The following KLHDC4 variants were observed in gnomAD, a reference collection of about 807,000 sequenced individuals.
KLHDC4 encodes the protein kelch domain containing 4.
A neutral mutation model predicts 62.4 loss-of-function variants in KLHDC4; 90 were observed. The observed-to-expected ratio is 1.44, with a 90% confidence interval of 1.22 to 1.72. KLHDC4 has a LOEUF of 1.72. KLHDC4 is among the 40% of genes most tolerant of loss of function. The pLI is 0.00. For missense variants in KLHDC4, 1,025 were observed against 699.7 expected (o/e 1.47, Z -5.25); for synonymous variants, 386 against 284.4 (o/e 1.36, Z -3.59).
downstream of KLHDC4, chr16:87,702,909 G>A (rs1405791602): frequency 6.6e-6 from 1 of 152,572 alleles, no homozygotes; most frequent in African/African-American, 2.4e-5. Context: ...TTGCTTTTAA[G>A]CTGGAAAGAT....
At chr16:87,725,017 C>T (rs185056007) in intron 7 of KLHDC4, among the ~76,000 whole-genome samples, 11 of 152,188 alleles carry the variant, frequency 7.2e-5, no homozygotes, top group African/African-American at 9.6e-5. Flanking sequence ...CACTTCAGCA[C>T]GAAGCAGCAA....
chr16:87,765,268 G>GA (rs1361138972), intron 1 of KLHDC4: 1 of 455,998 alleles, frequency 2.2e-6, no homozygotes, highest in Non-Finnish European at 4.4e-6. Context: ...GGGATACCCC[G>GA]TGGCTCCAGT....
At chr16:87,738,409 G>T (rs146294614) in intron 5 of KLHDC4, among the ~76,000 whole-genome samples, 13 of 152,056 alleles carry the variant, frequency 8.5e-5, no homozygotes, top group African/African-American at 3.1e-4. Flanking sequence ...AAACAGTACC[G>T]ATCATCTCCC....
chr16:87,730,536 C>A lies in KLHDC4; in HGVS notation c.599+16G>T. ...ATGCTTCAGGAGAGAAAGATTTTTC[C>A]GTTCTTGGTACCAACCGTGTACTTT... On this transcript the variant is annotated intron_variant, in intron 6 of 11. Transcript: ENST00000270583. 1 of 1,591,272 alleles carries A rather than the reference C, an allele frequency of 6.3e-7. No homozygotes were observed. The highest frequency in any genetic ancestry group is 8.5e-7 in the Non-Finnish European group (1 of 1,170,178).
chr16:87,698,308 T>G (rs1447791873), exon 1 of KLHDC4: 1 of 152,220 alleles, frequency 6.6e-6, no homozygotes, highest in African/African-American at 2.4e-5. Flanking sequence ...GTACATCTTT[T>G]CCATCTTTTA....
chr16:87,723,451 G>A (rs926724320), intron 7 of KLHDC4, among the ~76,000 whole-genome samples: 27 of 152,272 alleles, frequency 1.8e-4, no homozygotes, highest in African/African-American at 6.5e-4. Flanking sequence ...CGGTCTGGCT[G>A]TTCACCGTCC....
At chr16:87,702,095 AG>A in exon 14 of KLHDC4, 2 of 456,286 alleles carry the variant, frequency 4.4e-6, no homozygotes, top group Non-Finnish European at 8.8e-6. Flanking sequence ...AGATCAGAAC[AG>A]CCTTCGGGTC....
At chr16:87,698,465 G>C (rs2033994683) in exon 1 of KLHDC4, 2 of 152,258 alleles carry the variant, frequency 1.3e-5, no homozygotes, top group Non-Finnish European at 2.9e-5. Flanking sequence ...AACGGTACCT[G>C]TGAGCAGGAA....
chr16:87,754,294 C>T (rs559559056), intron 4 of KLHDC4, among the ~76,000 whole-genome samples: 6 of 151,170 alleles, frequency 4.0e-5, no homozygotes, highest in Admixed American at 1.3e-4. Flanking sequence ...TGCAATGAGC[C>T]GAAATCAGGC....
intron 1 of KLHDC4, among the ~76,000 whole-genome samples, chr16:87,763,331 A>T (rs1436288801): frequency 6.6e-6 from 1 of 152,240 alleles, no homozygotes; most frequent in Non-Finnish European, 1.5e-5. Context: ...GACTGGGCAC[A>T]GTGGCTCACG....
chr16:87,758,249 T>C (rs1040035835), intron 2 of KLHDC4, among the ~76,000 whole-genome samples: 40 of 152,312 alleles, frequency 2.6e-4, no homozygotes, highest in African/African-American at 9.1e-4. Flanking sequence ...CTCAAACAGA[T>C]ACCTGTATGC....
intron 8 of KLHDC4, among the ~76,000 whole-genome samples, chr16:87,712,008 G>A (rs1379288030): frequency 2.0e-5 from 3 of 146,378 alleles, no homozygotes; most frequent in African/African-American, 5.1e-5. Context: ...AGCCGCCCTT[G>A]GGCCTGCACG....
chr16:87,732,705 G>A (rs2040597112), intron 5 of KLHDC4, among the ~76,000 whole-genome samples: 1 of 152,066 alleles, frequency 6.6e-6, no homozygotes. Context: ...CATGTCACGG[G>A]ACAATGCTCG....
chr16:87,742,943 C>G (rs778476670), intron 5 of KLHDC4: 1 of 152,222 alleles, frequency 6.6e-6, no homozygotes, highest in Non-Finnish European at 1.5e-5. Context: ...TATGAAGTGA[C>G]GACGAGCACG....
At chr16:87,749,298 G>A (rs979003611) in intron 4 of KLHDC4, among the ~76,000 whole-genome samples, 2 of 152,096 alleles carry the variant, frequency 1.3e-5, no homozygotes, top group Non-Finnish European at 2.9e-5. Flanking sequence ...GCTCACACCT[G>A]TAATCCCAGC....
intron 6 of KLHDC4, 101 bp downstream of exon 6, chr16:87,730,451 G>T: frequency 4.1e-6 from 4 of 985,386 alleles, no homozygotes; most frequent in East Asian, 2.5e-5. Context: ...GGATTTGGGA[G>T]GATGGGTGCG....
chr16:87,719,538 G>A (rs566855066), intron 7 of KLHDC4, among the ~76,000 whole-genome samples: 3 of 152,198 alleles, frequency 2.0e-5, no homozygotes, highest in East Asian at 1.9e-4. Flanking sequence ...ACGGAAGGCC[G>A]CAGGGTCCTC....
At chr16:87,711,516 A>G in intron 8 of KLHDC4, 73 bp from the exon 9 acceptor site, 1 of 1,324,438 alleles carries the variant, frequency 7.6e-7, no homozygotes, top group Admixed American at 2.4e-5. Context: ...GGACACGCTC[A>G]GGACCCCAGG....
chr16:87,733,099 C>G (rs918843993), intron 5 of KLHDC4, among the ~76,000 whole-genome samples: 4 of 149,944 alleles, frequency 2.7e-5, no homozygotes, highest in Non-Finnish European at 4.4e-5. Flanking sequence ...AGGTGCAAAG[C>G]AAATCCTATC....
Sources: gnomAD v4.1 joint callset for allele counts (sites outside exome capture counted in the v4.1 genomes callset) on GRCh38, gnomAD v4.1.1 for gene constraint, MANE v1.5 for transcripts, NCBI Gene and HGNC (gene_info 2026-07-23, HGNC 2026-07-21) for gene names.